The following TOGARAM1 variants were observed in gnomAD, a reference collection of about 807,000 sequenced individuals.
The protein encoded by TOGARAM1 is TOG array regulator of axonemal microtubules protein 1.
In TOGARAM1, 100 loss-of-function variants were observed where a neutral mutation model predicts 166.6. The observed-to-expected ratio is 0.60, with a 90% CI of 0.51 to 0.71. The LOEUF (loss-of-function observed/expected upper bound fraction) is 0.71, where lower values mean the gene tolerates loss of function less well. Ranked by LOEUF, TOGARAM1 falls within the 30% of genes least tolerant of loss-of-function variation. The probability of loss-of-function intolerance (pLI) is 0.00; values close to 1 mark genes in which losing one functional copy is unlikely to be tolerated. For missense variants in TOGARAM1, 2,029 were observed against 2,102.7 expected (o/e 0.96, Z 0.69); for synonymous variants, 758 against 763.8 (o/e 0.99, Z 0.13).
chr14:45,052,345 T>C, intron 14 of TOGARAM1, 91 bp from the exon 15 acceptor site: 1 of 1,059,378 alleles, frequency 9.4e-7, no homozygotes, highest in South Asian at 1.7e-5. Flanking sequence ...TTGATAGGTG[T>C]TTTTTTTCTA....
intron 8 of TOGARAM1, 77 bp from the exon 9 acceptor site, chr14:45,027,195 TGTGTTGTTTGATTCTTGAAGGCAAGAG>T: frequency 9.4e-7 from 1 of 1,059,026 alleles, no homozygotes; most frequent in Non-Finnish European, 1.4e-6. Context: ...TCTTACTAAC[TGTGTTGTTTGATTCTTGAAGGCAAGAG>T]CCTTGCCTTA....
intron 1 of TOGARAM1, among the ~76,000 whole-genome samples, chr14:44,966,301 C>T (rs886999535): frequency 6.6e-6 from 1 of 151,260 alleles, no homozygotes; most frequent in African/African-American, 2.4e-5. Flanking sequence ...GTGAAACCCC[C>T]GTCTCTACTA....
rs769744834 is a variant in TOGARAM1 at position 45,037,827 on chromosome 14, ACCATC to A, written c.3812+5453_3812+5457del. 2.0e-5 allele frequency among the ~76,000 whole-genome samples: 3 copies of A among 151,210 alleles called. No homozygotes were observed. In the East Asian group the frequency reaches 5.9e-4, roughly 30 times the overall value. ...CGGATCACGAGGTCAGGAGATTGAGACCATCCTGGTTAACACGGTGAAACCCCATC... is the reference window on the plus strand; with the variant it reads ...CGGATCACGAGGTCAGGAGATTGAGACTGGTTAACACGGTGAAACCCCATC... On this transcript the variant is annotated intron_variant, in intron 11 of 19. Transcript: ENST00000361462.
At chr14:45,026,777 C>A (rs904997063) in intron 8 of TOGARAM1, among the ~76,000 whole-genome samples, 3 of 151,176 alleles carry the variant, frequency 2.0e-5, no homozygotes, top group African/African-American at 7.3e-5. Context: ...GCGGGCAGAT[C>A]ACTTGAACTC....
intron 16 of TOGARAM1, among the ~76,000 whole-genome samples, chr14:45,059,993 A>G (rs1164808447): frequency 2.0e-5 from 3 of 151,080 alleles, no homozygotes; most frequent in African/African-American, 7.3e-5. Context: ...GCTCACTGCA[A>G]GCTCCGTCTC....
chr14:44,978,640 A>T (rs1886346286), intron 1 of TOGARAM1, among the ~76,000 whole-genome samples: 1 of 152,072 alleles, frequency 6.6e-6, no homozygotes, highest in Non-Finnish European at 1.5e-5. Context: ...CTCTAAAAAA[A>T]TACAAAAATT....
intron 16 of TOGARAM1, among the ~76,000 whole-genome samples, chr14:45,063,479 G>GTTTTTTTTTTTTTTTTTTTTTTTTTT (rs373702236): frequency 1.7e-5 from 2 of 118,688 alleles, no homozygotes; most frequent in Admixed American, 8.4e-5. Flanking sequence ...ATTTGACAAA[G>GTTTTTTTTTTTTTTTTTTTTTTTTTT]TTTTTTTTTT....
intron 1 of TOGARAM1, among the ~76,000 whole-genome samples, chr14:44,966,082 C>G (rs1048381368): frequency 6.8e-6 from 1 of 147,896 alleles, no homozygotes; most frequent in Non-Finnish European, 1.5e-5. Flanking sequence ...ACCATGTTGG[C>G]CAGGCCTGTC....
chr14:45,026,353 T>C (rs1880838524), intron 8 of TOGARAM1, among the ~76,000 whole-genome samples: 1 of 152,168 alleles, frequency 6.6e-6, no homozygotes, highest in African/African-American at 2.4e-5. Context: ...AATTGAAAAC[T>C]AGAATGTGGT....
Position 44,964,443 on chromosome 14 carries a change from C to A in TOGARAM1, c.2022C>A (p.Thr674=). 6.3e-7 allele frequency: 1 copy of A among 1,593,564 alleles called. No homozygotes were observed. Among genetic ancestry groups the A allele is most frequent in the South Asian group, 1.1e-5 (1 of 88,154 alleles). Residue 674 remains threonine, a synonymous_variant, in exon 1 of 20, where the codon ACC becomes ACA. Transcript: ENST00000361462. Reference sequence around the variant, plus strand: ...CTGGAATCATGGGAGAAAACCAGACCTCCACTTCCAAGGATATAGAGCAGG... The same window carrying A: ...CTGGAATCATGGGAGAAAACCAGACATCCACTTCCAAGGATATAGAGCAGG... The part of the protein sequence containing the change: ...EQPGIMGENQ[T]STSKDIEQFS...
At chr14:45,042,376 A>G (rs1284182253) in intron 11 of TOGARAM1, 1 of 152,096 alleles carries the variant, frequency 6.6e-6, no homozygotes, top group Non-Finnish European at 1.5e-5. Context: ...ATAATGAAGG[A>G]TCAGCTAACC....
chr14:45,049,057 CAAAAAAAAAAAA>C lies in TOGARAM1; in HGVS notation c.4313+2372_4313+2383del, dbSNP rs71108678. Among the ~76,000 whole-genome samples, 23 of 47,300 alleles carry C rather than the reference CAAAAAAAAAAAA, an allele frequency of 4.9e-4. 1 individual carries two copies. Among genetic ancestry groups the C allele is most frequent in the South Asian group, 1.8e-3 (1 of 568 alleles). The allele number at this position is 47,300 out of a possible 152,430, so 31.0% of individuals were successfully genotyped here. On this transcript the variant is annotated intron_variant, in intron 14 of 19. Coordinates refer to ENST00000361462, the MANE Select transcript of TOGARAM1 (RefSeq NM_001308120.2). The stretch of plus-strand genomic sequence containing the variant: ...GAGCCCAGGACAGAGACAAACTTCT[CAAAAAAAAAAAA>C]AAAAAAAAAAAAAAAAAGACTGAGG...
At chr14:45,071,083 A>G (rs1439480998) in intron 18 of TOGARAM1, among the ~76,000 whole-genome samples, 9 of 151,212 alleles carry the variant, frequency 6.0e-5, no homozygotes, top group Non-Finnish European at 3.0e-5. Context: ...CACCACGCCC[A>G]GCTAATTTTT....
chr14:45,071,685 A>G, intron 18 of TOGARAM1, 27 bp from the exon 19 acceptor site: 7 of 1,518,618 alleles, frequency 4.6e-6, no homozygotes, highest in Non-Finnish European at 6.3e-6. Flanking sequence ...CTCTTTAAAC[A>G]TGTGTCTCTG....
intron 6 of TOGARAM1, among the ~76,000 whole-genome samples, chr14:45,010,004 C>T (rs1879697417): frequency 6.6e-6 from 1 of 152,192 alleles, no homozygotes; most frequent in African/African-American, 2.4e-5. Context: ...ATCCTTGTTT[C>T]ACATTCTTGC....
intron 13 of TOGARAM1, among the ~76,000 whole-genome samples, chr14:45,045,748 T>TACAC (rs1238651297): frequency 2.3e-4 from 33 of 142,816 alleles, no homozygotes; most frequent in Admixed American, 8.6e-4. Context: ...CACATATGTA[T>TACAC]ATATATACAC....
intron 1 of TOGARAM1, among the ~76,000 whole-genome samples, chr14:44,969,998 T>C (rs1885793169): frequency 6.6e-6 from 1 of 152,238 alleles, no homozygotes; most frequent in African/African-American, 2.4e-5. Flanking sequence ...GTTGTTTTCC[T>C]TCCATGTTGA....
intron 18 of TOGARAM1, among the ~76,000 whole-genome samples, chr14:45,069,498 T>TA (rs941396785): frequency 8.0e-5 from 12 of 149,766 alleles, no homozygotes; most frequent in East Asian, 2.0e-4. Context: ...AAGCTCAACA[T>TA]AAAAAAAAAC....
intron 7 of TOGARAM1, among the ~76,000 whole-genome samples, chr14:45,017,609 C>A (rs1321492815): frequency 2.0e-5 from 3 of 152,262 alleles, no homozygotes; most frequent in Non-Finnish European, 4.4e-5. Context: ...CTTGGCCAGG[C>A]GTGGTGGCTC....
Sources: allele counts gnomAD v4.1 joint callset (sites outside exome capture counted in the v4.1 genomes callset), GRCh38; gene constraint gnomAD v4.1.1; transcripts MANE v1.5; gene names NCBI Gene and HGNC (gene_info 2026-07-23, HGNC 2026-07-21).